PDE1C: variants seen among roughly 807,000 people sequenced by gnomAD.
PDE1C encodes dual specificity calcium/calmodulin-dependent 3',5'-cyclic nucleotide phosphodiesterase 1C.
PDE1C carries 62 observed loss-of-function variants against 93.1 expected under a neutral mutation model. The observed-to-expected ratio is 0.67, with a 90% CI of 0.54 to 0.82. PDE1C has a LOEUF of 0.82. Ranked by LOEUF, PDE1C falls within the 40% of genes least tolerant of loss-of-function variation. The probability of loss-of-function intolerance (pLI) is 0.00; values close to 1 mark genes in which losing one functional copy is unlikely to be tolerated. For missense variants in PDE1C, 742 were observed against 884.6 expected (o/e 0.84, Z 2.04); for synonymous variants, 325 against 310.1 (o/e 1.05, Z -0.50).
chr7:31,728,050 A>C, the PDE1C span, among the ~76,000 whole-genome samples: 5 of 152,308 alleles, frequency 3.3e-5, no homozygotes, highest in African/African-American at 9.6e-5. Flanking sequence ...TCTCAAAATA[A>C]ATAAATAAAA....
the PDE1C span, among the ~76,000 whole-genome samples, chr7:31,618,328 G>C: frequency 6.7e-6 from 1 of 148,156 alleles, no homozygotes; most frequent in African/African-American, 2.5e-5. Flanking sequence ...TCCAAAGGGG[G>C]CAAATTCACA....
intron 2 of PDE1C, among the ~76,000 whole-genome samples, chr7:31,971,809 G>A (rs953546816): frequency 1.3e-5 from 2 of 152,142 alleles, no homozygotes; most frequent in East Asian, 1.9e-4. Context: ...CTGTCCCTCC[G>A]TGTCTCCAGC....
chr7:31,918,301 A>G (rs1802182230), intron 2 of PDE1C, among the ~76,000 whole-genome samples: 1 of 152,186 alleles, frequency 6.6e-6, no homozygotes, highest in Non-Finnish European at 1.5e-5. Flanking sequence ...TGGAAACAGA[A>G]TACCTCACAC....
intron 17 of PDE1C, among the ~76,000 whole-genome samples, chr7:31,767,904 C>T (rs1004551282): frequency 2.0e-5 from 3 of 152,206 alleles, no homozygotes; most frequent in African/African-American, 4.8e-5. Context: ...GCTCCATCCT[C>T]ATGACCTGAT....
At chr7:32,001,069 T>G (rs375441953) in intron 2 of PDE1C, among the ~76,000 whole-genome samples, 2 of 151,890 alleles carry the variant, frequency 1.3e-5, no homozygotes, top group Non-Finnish European at 2.9e-5. Context: ...AAACAAGGCA[T>G]AGAATTGTAC....
chr7:31,959,359 T>G (rs770693171), intron 2 of PDE1C, among the ~76,000 whole-genome samples: 1 of 152,016 alleles, frequency 6.6e-6, no homozygotes, highest in African/African-American at 2.4e-5. Flanking sequence ...ATTATAAGTG[T>G]GCACAACTAC....
intron 1 of PDE1C, among the ~76,000 whole-genome samples, chr7:32,053,659 T>G (rs528166652): frequency 6.6e-6 from 1 of 152,288 alleles, no homozygotes; most frequent in Non-Finnish European, 1.5e-5. Flanking sequence ...CAGCCCTTGC[T>G]ATTGGTTTCC....
chr7:31,842,223 T>A lies in PDE1C; in HGVS notation c.981-4252A>T, dbSNP rs552982918. ...TTAGTTAATATTTTACTGAGAATTG[T>A]TATAGCTATGTTCATAAAATACATT... On this transcript the variant is annotated intron_variant, in intron 9 of 17. Transcript: ENST00000396191. Among the ~76,000 whole-genome samples the A allele has an allele frequency of 1.2e-3, 183 of 152,284 alleles. 1 individual carries two copies. The highest frequency in any genetic ancestry group is 4.0e-3 in the African/African-American group (165 of 41,584).
the PDE1C span, among the ~76,000 whole-genome samples, chr7:31,629,759 T>C: frequency 1.8e-4 from 27 of 152,234 alleles, no homozygotes; most frequent in African/African-American, 6.0e-4. Flanking sequence ...AACTCACGAA[T>C]TGTGTGCCTT....
chr7:31,619,017 G>A, the PDE1C span, among the ~76,000 whole-genome samples: 1 of 152,178 alleles, frequency 6.6e-6, no homozygotes, highest in Non-Finnish European at 1.5e-5. Context: ...GTGTCTGAGA[G>A]AGGAAATCCC....
chr7:32,369,342 A>T (rs1221906888), intron 1 of PDE1C, among the ~76,000 whole-genome samples: 2 of 152,208 alleles, frequency 1.3e-5, no homozygotes, highest in Non-Finnish European at 1.5e-5. Context: ...TTGGAACAGA[A>T]ATTTCTCAAA....
intron 2 of PDE1C, among the ~76,000 whole-genome samples, chr7:31,972,125 C>T (rs1026572689): frequency 1.3e-5 from 2 of 152,186 alleles, no homozygotes; most frequent in Non-Finnish European, 2.9e-5. Flanking sequence ...ATGGCCAATG[C>T]TTTACAAATC....
At chr7:31,702,591 A>G in the PDE1C span, among the ~76,000 whole-genome samples, 1 of 152,218 alleles carries the variant, frequency 6.6e-6, no homozygotes, top group Non-Finnish European at 1.5e-5. Context: ...TAGTCACAGC[A>G]TGCAAATACC....
At chr7:32,069,412 T>G (rs1252433377) in intron 1 of PDE1C, among the ~76,000 whole-genome samples, 1 of 152,058 alleles carries the variant, frequency 6.6e-6, no homozygotes, top group Non-Finnish European at 1.5e-5. Context: ...ACACTAGATA[T>G]CTGATGCCAA....
the PDE1C span, among the ~76,000 whole-genome samples, chr7:31,635,785 G>A: frequency 6.6e-6 from 1 of 152,028 alleles, no homozygotes; most frequent in African/African-American, 2.4e-5. Flanking sequence ...GGGGAGGGCG[G>A]GGGTCAGAGG....
At chr7:32,022,913 C>G (rs62457492) in intron 2 of PDE1C, among the ~76,000 whole-genome samples, 11 of 151,702 alleles carry the variant, frequency 7.3e-5, no homozygotes, top group Admixed American at 1.3e-4. Context: ...TTTCCTATTA[C>G]CAACACAATA....
the PDE1C span, chr7:31,652,158 C>A: frequency 1.2e-6 from 1 of 844,340 alleles, no homozygotes; most frequent in Non-Finnish European, 1.9e-6. Flanking sequence ...GGTTTACATG[C>A]CAACACCTTC....
chr7:31,773,690 CT>C (rs1203399065), intron 17 of PDE1C, among the ~76,000 whole-genome samples: 2 of 152,036 alleles, frequency 1.3e-5, no homozygotes, highest in Non-Finnish European at 2.9e-5. Flanking sequence ...GGATGGTTCC[CT>C]TCTGTGTAGT....
intron 2 of PDE1C, among the ~76,000 whole-genome samples, chr7:32,184,764 G>A (rs1403557520): frequency 6.6e-6 from 1 of 152,052 alleles, no homozygotes; most frequent in Non-Finnish European, 1.5e-5. Flanking sequence ...CCTGCACGTT[G>A]TGCACATGTA....
Sources: gnomAD v4.1 joint callset for allele counts (sites outside exome capture counted in the v4.1 genomes callset) on GRCh38, gnomAD v4.1.1 for gene constraint, MANE v1.5 for transcripts, NCBI Gene and HGNC (gene_info 2026-07-23, HGNC 2026-07-21) for gene names.